The following OR11A1 variants were observed in gnomAD, a reference collection of about 807,000 sequenced individuals.
OR11A1 encodes olfactory receptor family 11 subfamily A member 1, also known as olfactory receptor 11A1.
For missense variants in OR11A1, 380 were observed against 378.2 expected, an observed-to-expected ratio of 1.00 and a Z score of -0.04; for synonymous variants, 158 against 152.2, an observed-to-expected ratio of 1.04 and a Z score of -0.28.
rs748741890 is a variant in OR11A1, at chr6:29,426,803, G to A, written c.839C>T (p.Thr280Ile). 9 of 1,613,028 alleles carry A rather than the reference G, an allele frequency of 5.6e-6. No individual in the cohort carries two copies. The highest frequency in any genetic ancestry group is 2.2e-5 in the East Asian group (1 of 44,894). The change falls in exon 5 of 5, where the codon ACT becomes ATT. Residue 280 changes from threonine to isoleucine, a missense_variant. By Grantham distance (89) the Thr-to-Ile change is moderately conservative. Transcript: ENST00000377149. ...LLSKVFSLLY[T>I]VVTPLFNPVI... Reference sequence around the variant, plus strand: ...AGGATTGAAGAGAGGGGTGACCACAGTGTAGAGCAGGGAGAAGACCTTGGA... The same window carrying A: ...AGGATTGAAGAGAGGGGTGACCACAATGTAGAGCAGGGAGAAGACCTTGGA...
At chr6:29,445,110 G>T (rs907237637) in intron 1 of OR11A1, among the ~76,000 whole-genome samples, 1 of 152,140 alleles carries the variant, frequency 6.6e-6, no homozygotes, top group Non-Finnish European at 1.5e-5. Flanking sequence ...GGTTTCAAGC[G>T]ATTCTCCTGC....
At chr6:29,440,890 G>T (rs766276149) in intron 1 of OR11A1, 42 of 1,613,700 alleles carry the variant, frequency 2.6e-5, no homozygotes, top group Non-Finnish European at 3.5e-5. Context: ...TACAGCCTGC[G>T]GAACACAGAG....
At chr6:29,456,429 G>A (rs1364469876) in intron 1 of OR11A1, among the ~76,000 whole-genome samples, 1 of 151,014 alleles carries the variant, frequency 6.6e-6, no homozygotes, top group African/African-American at 2.4e-5. Context: ...AGAATGGCGT[G>A]AACCCGGAAG....
Position 29,435,324 on chromosome 6 carries a change from A to C in OR11A1, c.-388-3337T>G, listed in dbSNP as rs534986715. The stretch of plus-strand genomic sequence containing the variant: ...TCCTGAACACATCTTGCAAACTCTC[A>C]GAAGTGACTATGGGATGCTTCACGG... On this transcript the variant is annotated intron_variant, in intron 1 of 4. Transcript: ENST00000377149. 3.3e-5 allele frequency among the ~76,000 whole-genome samples: 5 copies of C among 152,388 alleles called. No homozygotes were observed. In the East Asian group the frequency reaches 9.6e-4, roughly 29 times the overall value.
intron 1 of OR11A1, among the ~76,000 whole-genome samples, chr6:29,444,592 C>A (rs73398987): frequency 6.6e-6 from 1 of 152,134 alleles, no homozygotes; most frequent in South Asian, 2.1e-4. Flanking sequence ...CTTCTTATAG[C>A]TGATACTCTC....
chr6:29,445,255 T>C lies in OR11A1; in HGVS notation c.-389+11732A>G, dbSNP rs186798861. 9.8e-5 allele frequency among the ~76,000 whole-genome samples: 15 copies of C among 152,324 alleles called. No homozygotes were observed. In the East Asian group the frequency reaches 1.5e-3, roughly 16 times the overall value. On this transcript the variant is annotated intron_variant, in intron 1 of 4. Transcript: ENST00000377149. Reference sequence around the variant, plus strand: ...CTTCTGACCTCATGATCCACCTGCCTTGGCCTCCCAAAGAGCTGGGATTAC... The same window carrying C: ...CTTCTGACCTCATGATCCACCTGCCCTGGCCTCCCAAAGAGCTGGGATTAC...
intron 1 of OR11A1, among the ~76,000 whole-genome samples, chr6:29,436,584 C>G (rs1445891211): frequency 6.6e-6 from 1 of 152,142 alleles, no homozygotes; most frequent in South Asian, 2.1e-4. Flanking sequence ...GGAATCTAAC[C>G]CTGCATCTCC....
In OR11A1 at chr6:29,426,487, T is replaced by C. The variant is rs1782810447; in HGVS notation, c.*207A>G. Reference sequence around the variant, plus strand: ...ACAGTAAACCCCCATGACACAAGTTTACCTATGTAACAAACCTGCACATGT... The same window carrying C: ...ACAGTAAACCCCCATGACACAAGTTCACCTATGTAACAAACCTGCACATGT... On this transcript the variant is annotated 3_prime_UTR_variant, in exon 5 of 5. Transcript: ENST00000377149. 1.8e-6 allele frequency: 1 copy of C among 550,692 alleles called. No homozygotes were observed. The highest frequency in any genetic ancestry group is 2.8e-5 in the East Asian group (1 of 35,694). The allele number at this position is 550,692 out of a possible 1,614,324, so 34.1% of individuals were successfully genotyped here. A position where few individuals can be genotyped will look rare whatever the true frequency, so the allele number is the denominator to read the frequency against.
At chr6:29,454,802 A>G (rs1785853885) in intron 1 of OR11A1, among the ~76,000 whole-genome samples, 1 of 152,192 alleles carries the variant, frequency 6.6e-6, no homozygotes, top group Admixed American at 6.5e-5. Context: ...AATTCAATAC[A>G]GGAAACGATA....
Position 29,426,126 on chromosome 6 carries a change from A to T in OR11A1, c.*568T>A, listed in dbSNP as rs1782778841. 1 of 152,648 alleles carries T rather than the reference A, an allele frequency of 6.6e-6. No individual in the cohort carries two copies. The highest frequency in any genetic ancestry group is 1.5e-5 in the Non-Finnish European group (1 of 68,040). 9.5% of individuals were successfully genotyped at this position (152,648 alleles called of 1,614,324 possible). ...TAAATGTCATACAACAATAATATAAAAAACAATATTTCTAGGTTTATTTTG... is the reference window on the plus strand; with the variant it reads ...TAAATGTCATACAACAATAATATAATAAACAATATTTCTAGGTTTATTTTG... On this transcript the variant is annotated 3_prime_UTR_variant, in exon 5 of 5. Coordinates refer to ENST00000377149, the MANE Select transcript of OR11A1 (RefSeq NM_001394828.1).
chr6:29,452,058 A>C (rs1785462253), intron 1 of OR11A1, among the ~76,000 whole-genome samples: 1 of 152,178 alleles, frequency 6.6e-6, no homozygotes, highest in Admixed American at 6.5e-5. Flanking sequence ...CCATTATCCT[A>C]AACAAATTAA....
intron 1 of OR11A1, among the ~76,000 whole-genome samples, chr6:29,437,228 C>T (rs1347117000): frequency 1.3e-5 from 2 of 152,182 alleles, no homozygotes; most frequent in African/African-American, 4.8e-5. Flanking sequence ...GCTATAAAGA[C>T]ACATGCACAT....
chr6:29,434,999 G>C (rs993822936), intron 1 of OR11A1, among the ~76,000 whole-genome samples: 1 of 152,190 alleles, frequency 6.6e-6, no homozygotes, highest in African/African-American at 2.4e-5. Flanking sequence ...GTGTGGATCA[G>C]TATAACAGCA....
At chr6:29,445,104 T>G (rs1784603715) in intron 1 of OR11A1, among the ~76,000 whole-genome samples, 1 of 152,218 alleles carries the variant, frequency 6.6e-6, no homozygotes, top group Non-Finnish European at 1.5e-5. Context: ...CCTTCTGGTT[T>G]CAAGCGATTC....
intron 1 of OR11A1, among the ~76,000 whole-genome samples, chr6:29,449,091 A>C (rs1785070891): frequency 6.6e-6 from 1 of 152,248 alleles, no homozygotes; most frequent in African/African-American, 2.4e-5. Context: ...GAAAGCACAG[A>C]GAACCTTGGG....
intron 1 of OR11A1, among the ~76,000 whole-genome samples, chr6:29,449,525 C>T (rs1445056977): frequency 6.6e-6 from 1 of 152,196 alleles, no homozygotes; most frequent in Non-Finnish European, 1.5e-5. Flanking sequence ...CTACGTCTCA[C>T]AAAAAAGTAT....
chr6:29,432,223 C>T (rs865988488), intron 1 of OR11A1: 2 of 154,306 alleles, frequency 1.3e-5, no homozygotes, highest in South Asian at 4.1e-4. Context: ...ACATAGCAGG[C>T]CCCTAAGGAA....
rs1445684683 is a variant in OR11A1 at position 29,430,755 on chromosome 6, A to G, written c.-264-330T>C. 1.3e-5 allele frequency among the ~76,000 whole-genome samples: 2 copies of G among 152,156 alleles called. 1 individual carries two copies. Among genetic ancestry groups the G allele is most frequent in the Admixed American group, 1.3e-4 (2 of 15,268 alleles). Reference sequence around the variant, plus strand: ...TGGTTACACTAAAAGCCCAGACTCAATCGCTACACAATATATTCATGTAAC... The same window carrying G: ...TGGTTACACTAAAAGCCCAGACTCAGTCGCTACACAATATATTCATGTAAC... On this transcript the variant is annotated intron_variant, in intron 2 of 4. Transcript: ENST00000377149.
At chr6:29,442,386 A>G (rs1346254865) in intron 1 of OR11A1, among the ~76,000 whole-genome samples, 3 of 152,250 alleles carry the variant, frequency 2.0e-5, no homozygotes, top group East Asian at 1.9e-4. Context: ...AAAAACAGCC[A>G]TCTCCAAGAG....
Sources: allele counts gnomAD v4.1 joint callset (sites outside exome capture counted in the v4.1 genomes callset), GRCh38; gene constraint gnomAD v4.1.1; transcripts MANE v1.5; gene names NCBI Gene and HGNC (gene_info 2026-07-23, HGNC 2026-07-21).